CIMAP1D: variants seen among roughly 807,000 people sequenced by gnomAD.
The protein encoded by CIMAP1D is protein CIMAP1D.
the CIMAP1D span, among the ~76,000 whole-genome samples, chr19:486,830 C>T: frequency 1.3e-5 from 2 of 151,968 alleles, no homozygotes; most frequent in Non-Finnish European, 2.9e-5. Flanking sequence ...AGAAGAATGA[C>T]GTGAACCCGG....
At chr19:477,514 G>A in the CIMAP1D span, among the ~76,000 whole-genome samples, 3 of 146,278 alleles carry the variant, frequency 2.1e-5, no homozygotes, top group African/African-American at 8.3e-5. Flanking sequence ...AACCCTGGAG[G>A]TGGAGGTTGC....
chr19:478,082 T>G, the CIMAP1D span, among the ~76,000 whole-genome samples: 1 of 152,112 alleles, frequency 6.6e-6, no homozygotes, highest in African/African-American at 2.4e-5. Context: ...GACACACCAT[T>G]TGCTCGTTTC....
chr19:463,456 G>A, the CIMAP1D span: 1 of 283,080 alleles, frequency 3.5e-6, no homozygotes, highest in African/African-American at 2.2e-5. Context: ...GTTTGGGCTG[G>A]GACCGGGGCT....
the CIMAP1D span, among the ~76,000 whole-genome samples, chr19:478,948 G>A: frequency 2.0e-5 from 3 of 152,238 alleles, no homozygotes; most frequent in South Asian, 2.1e-4. Flanking sequence ...CAAGTTCCTC[G>A]TCCTCCCTTT....
the CIMAP1D span, among the ~76,000 whole-genome samples, chr19:491,383 A>G: frequency 6.6e-6 from 1 of 152,174 alleles, no homozygotes; most frequent in African/African-American, 2.4e-5. Flanking sequence ...CGGTTCATAG[A>G]CAATTTCAGT....
chr19:477,749 G>A, the CIMAP1D span, among the ~76,000 whole-genome samples: 4 of 152,232 alleles, frequency 2.6e-5, no homozygotes, highest in East Asian at 1.9e-4. Flanking sequence ...TGCGAGCTCC[G>A]CCTCCCGGGT....
the CIMAP1D span, chr19:464,186 G>C: frequency 6.6e-7 from 1 of 1,509,780 alleles, no homozygotes; most frequent in Non-Finnish European, 8.9e-7. Context: ...TGCTGGGCTT[G>C]GTGAAGATCT....
the CIMAP1D span, chr19:474,682 C>T: frequency 9.5e-6 from 15 of 1,574,650 alleles, no homozygotes; most frequent in East Asian, 7.1e-5. Flanking sequence ...TCTGGCCCTC[C>T]GTCACTCGCC....
the CIMAP1D span, among the ~76,000 whole-genome samples, chr19:482,674 A>G: frequency 6.6e-6 from 1 of 152,036 alleles, no homozygotes; most frequent in African/African-American, 2.4e-5. Flanking sequence ...CACAGGCGCC[A>G]CCCCACGAGC....
chr19:482,017 C>G, the CIMAP1D span, among the ~76,000 whole-genome samples: 1 of 152,060 alleles, frequency 6.6e-6, no homozygotes, highest in African/African-American at 2.4e-5. Flanking sequence ...CTCAAGCAAT[C>G]CCCCTGCCTT....
the CIMAP1D span, chr19:467,913 G>C: frequency 3.4e-6 from 2 of 595,324 alleles, no homozygotes; most frequent in Non-Finnish European, 6.0e-6. Context: ...CAGGGGCCCT[G>C]AGTTGTGGCT....
chr19:489,997 C>A, the CIMAP1D span: 1 of 398,508 alleles, frequency 2.5e-6, no homozygotes, highest in Non-Finnish European at 4.4e-6. Flanking sequence ...GGGAGCCCCA[C>A]GTCCGGCGGC....
the CIMAP1D span, among the ~76,000 whole-genome samples, chr19:486,653 G>A: frequency 1.3e-4 from 19 of 151,870 alleles, no homozygotes; most frequent in East Asian, 1.6e-3. Flanking sequence ...GGTGGCTCAC[G>A]CCTGTAATCC....
the CIMAP1D span, chr19:464,307 C>T: frequency 2.6e-5 from 40 of 1,540,992 alleles, no homozygotes; most frequent in Middle Eastern, 1.7e-4. Context: ...TGTCCGATGG[C>T]GCACAGGGGG....
At chr19:464,426 G>C in the CIMAP1D span, 1 of 1,006,526 alleles carries the variant, frequency 9.9e-7, no homozygotes, top group Admixed American at 2.2e-5. Flanking sequence ...ACCCGGCCTG[G>C]CTCCCCATGG....
chr19:467,065 GT>G, the CIMAP1D span, among the ~76,000 whole-genome samples: 1 of 116,212 alleles, frequency 8.6e-6, no homozygotes, highest in African/African-American at 3.4e-5. Flanking sequence ...GGATGGGTGG[GT>G]GGGTGGGTGG....
At chr19:472,643 G>T in the CIMAP1D span, 10 of 537,746 alleles carry the variant, frequency 1.9e-5, no homozygotes, top group Non-Finnish European at 3.3e-6. Flanking sequence ...AGAGGCTGCT[G>T]CCCGTCGGGG....
the CIMAP1D span, among the ~76,000 whole-genome samples, chr19:483,356 A>G: frequency 6.7e-6 from 1 of 149,294 alleles, no homozygotes; most frequent in Non-Finnish European, 1.5e-5. Flanking sequence ...AGACATGACC[A>G]TGGGAAGCCC....
At chr19:465,538 G>C in the CIMAP1D span, among the ~76,000 whole-genome samples, 1 of 149,108 alleles carries the variant, frequency 6.7e-6, no homozygotes, top group South Asian at 2.2e-4. Context: ...TAGATGGGTA[G>C]GTGGGTGGAT....
Sources: allele counts gnomAD v4.1 joint callset (sites outside exome capture counted in the v4.1 genomes callset), GRCh38; gene constraint gnomAD v4.1.1; transcripts MANE v1.5; gene names NCBI Gene and HGNC (gene_info 2026-07-23, HGNC 2026-07-21).